MIPOL1: variants seen among roughly 807,000 people sequenced by gnomAD.
MIPOL1 encodes the protein mirror-image polydactyly gene 1 protein.
Under a neutral mutation model 60.9 loss-of-function variants are expected in MIPOL1, and 57 were observed. The ratio of observed to expected loss-of-function variants is 0.94; its 90% CI spans 0.76 to 1.17. The LOEUF (loss-of-function observed/expected upper bound fraction) is 1.17, where lower values mean the gene tolerates loss of function less well. Ranked by LOEUF, MIPOL1 falls within the 50% of genes most tolerant of loss-of-function variation. The pLI, the probability that MIPOL1 is intolerant of heterozygous loss-of-function variation, is 0.00. For synonymous variants in MIPOL1, 179 were observed against 168.8 expected (o/e 1.06, Z -0.47); for missense variants, 551 against 511.6 (o/e 1.08, Z -0.74).
chr14:37,285,955 A>T (rs1405465113), intron 7 of MIPOL1, among the ~76,000 whole-genome samples: 2 of 152,154 alleles, frequency 1.3e-5, no homozygotes, highest in African/African-American at 4.8e-5. Flanking sequence ...CAGTCAGTTT[A>T]AAAAAAGAAA....
rs971106450 is a variant in MIPOL1, at chr14:37,551,123, T to A, written c.*4152T>A. The A allele has an allele frequency of 7.2e-5, 11 of 152,116 alleles. No homozygotes were observed. Among genetic ancestry groups the A allele is most frequent in the African/African-American group, 2.7e-4 (11 of 41,418 alleles). 9.4% of individuals were successfully genotyped at this position (152,116 alleles called of 1,614,324 possible). On this transcript the variant is annotated 3_prime_UTR_variant, in exon 13 of 13. Transcript: ENST00000684589. ...AATTGTCTTCTAAATATAGTTTTGG[T>A]GTATGCTGGTATTTTAGAAGCCACC...
chr14:37,527,267 G>C (rs1243712855), intron 12 of MIPOL1, among the ~76,000 whole-genome samples: 1 of 151,666 alleles, frequency 6.6e-6, no homozygotes, highest in Non-Finnish European at 1.5e-5. Flanking sequence ...TGTCAGAATT[G>C]TGTTAAATTG....
At chr14:37,254,457 G>A (rs571977313) in intron 3 of MIPOL1, among the ~76,000 whole-genome samples, 1 of 151,684 alleles carries the variant, frequency 6.6e-6, no homozygotes, top group Non-Finnish European at 1.5e-5. Context: ...TGTTTTGGCA[G>A]TTTAAAAAAT....
At chr14:37,535,943 C>T (rs1396994847) in intron 12 of MIPOL1, among the ~76,000 whole-genome samples, 1 of 151,836 alleles carries the variant, frequency 6.6e-6, no homozygotes, top group Non-Finnish European at 1.5e-5. Context: ...CTCTGTTACC[C>T]AGGCTGGAGT....
chr14:37,516,534 G>A (rs2095370604), intron 12 of MIPOL1, among the ~76,000 whole-genome samples: 1 of 152,086 alleles, frequency 6.6e-6, no homozygotes, highest in South Asian at 2.1e-4. Context: ...TTAAAATTTA[G>A]TTCAAATGTT....
intron 6 of MIPOL1, among the ~76,000 whole-genome samples, chr14:37,282,768 A>AAG (rs1210195718): frequency 3.3e-5 from 5 of 151,282 alleles, no homozygotes; most frequent in Admixed American, 1.3e-4. Context: ...AAAAAAAAAA[A>AAG]AAGAAGGTAG....
chr14:37,421,617 T>C lies in MIPOL1; in HGVS notation c.937-1238T>C, dbSNP rs138960996. On this transcript the variant is annotated intron_variant, in intron 10 of 12. Coordinates refer to ENST00000684589, the MANE Select transcript of MIPOL1 (RefSeq NM_001388067.1). ...GGACTATGTCATGTTAAAGCACGCA[T>C]TCAAACATCTTAAATTTAACTATAA... 1.1e-4 allele frequency among the ~76,000 whole-genome samples: 17 copies of C among 152,194 alleles called. No individual in the cohort carries two copies. In the East Asian group the frequency reaches 3.3e-3, roughly 29 times the overall value.
rs190287730 is a variant in MIPOL1, at chr14:37,338,078, A to G, written c.828+29559A>G. Among the ~76,000 whole-genome samples, 340 of 150,580 alleles carry G rather than the reference A, an allele frequency of 2.3e-3. 6 individuals carry two copies. The highest frequency in any genetic ancestry group is 1.3e-3 in the Non-Finnish European group (91 of 67,702). On this transcript the variant is annotated intron_variant, in intron 9 of 12. Coordinates refer to ENST00000684589, the MANE Select transcript of MIPOL1 (RefSeq NM_001388067.1). ...GGCATCCAACTTCAGTCTTTTGCAT[A>G]TGACAGTGGCTTTATTTTTATTTAA...
At chr14:37,279,836 C>T (rs1176573216) in intron 6 of MIPOL1, among the ~76,000 whole-genome samples, 1 of 152,082 alleles carries the variant, frequency 6.6e-6, no homozygotes, top group Non-Finnish European at 1.5e-5. Context: ...TTGAAATATA[C>T]ATTACTCTTC....
intron 10 of MIPOL1, among the ~76,000 whole-genome samples, chr14:37,404,909 A>G (rs1186003485): frequency 1.3e-5 from 2 of 152,152 alleles, no homozygotes; most frequent in Non-Finnish European, 2.9e-5. Context: ...TTAACATCCA[A>G]TCTGTGAAAA....
intron 9 of MIPOL1, among the ~76,000 whole-genome samples, chr14:37,319,488 A>G (rs1546975): frequency 0.53 from 81,071 of 151,816 alleles, 24,298 homozygotes; most frequent in Non-Finnish European, 0.66. Flanking sequence ...GCTACTCTTG[A>G]GGAAGATTTC....
At chr14:37,477,382 A>G (rs769760209) in intron 11 of MIPOL1, among the ~76,000 whole-genome samples, 4 of 152,052 alleles carry the variant, frequency 2.6e-5, no homozygotes, top group Non-Finnish European at 5.9e-5. Flanking sequence ...TGATTATTTT[A>G]TTGAATCTGT....
In MIPOL1 at chr14:37,325,372, A is replaced by G. The variant is rs576456854; in HGVS notation, c.828+16853A>G. On this transcript the variant is annotated intron_variant, in intron 9 of 12. Transcript: ENST00000684589. Reference sequence around the variant, plus strand: ...GAGAAGCAAAAATATACTCTTTTTTATCTACAAATTTATTTTAAATTCACT... The same window carrying G: ...GAGAAGCAAAAATATACTCTTTTTTGTCTACAAATTTATTTTAAATTCACT... Among the ~76,000 whole-genome samples the G allele has an allele frequency of 3.9e-5, 6 of 152,242 alleles. No homozygotes were observed. The South Asian group carries it at 8.3e-4, about 21-fold the overall frequency.
Position 37,266,994 on chromosome 14 carries a change from CCAGATGAG to C in MIPOL1, c.79_86del (p.Asp27ThrfsTer6), listed in dbSNP as rs1187860275. ...TACGGGGATAAATAAAAGTACGCAG[CCAGATGAG>C]CAACTGACTATGAATTCTGAGAAAA... On this transcript the variant is annotated frameshift_variant, in exon 4 of 13. Transcript: ENST00000684589. LOFTEE classifies it high-confidence loss of function. 2.5e-6 allele frequency: 4 copies of C among 1,613,604 alleles called. No homozygotes were observed. The highest frequency in any genetic ancestry group is 3.4e-6 in the Non-Finnish European group (4 of 1,179,824).
chr14:37,483,755 C>G (rs770876306), intron 11 of MIPOL1, among the ~76,000 whole-genome samples: 6 of 152,002 alleles, frequency 3.9e-5, no homozygotes, highest in Non-Finnish European at 7.4e-5. Flanking sequence ...CCTGCCTCAG[C>G]CTCCCGAGTA....
chr14:37,474,438 C>T (rs866851917), intron 11 of MIPOL1, among the ~76,000 whole-genome samples: 4 of 152,032 alleles, frequency 2.6e-5, no homozygotes, highest in Admixed American at 6.5e-5. Context: ...ATGGTGTTCT[C>T]GTGATAGTGA....
intron 1 of MIPOL1, among the ~76,000 whole-genome samples, chr14:37,204,601 C>G (rs1010837629): frequency 2.0e-5 from 3 of 152,082 alleles, no homozygotes; most frequent in Non-Finnish European, 4.4e-5. Context: ...GTGAGATGTG[C>G]CTTTCACCTT....
intron 10 of MIPOL1, among the ~76,000 whole-genome samples, chr14:37,372,363 G>C (rs2092663209): frequency 6.6e-6 from 1 of 152,040 alleles, no homozygotes; most frequent in South Asian, 2.1e-4. Context: ...AATAACCAGA[G>C]ATCTTTTTCT....
At chr14:37,243,057 A>G (rs1234901209) in intron 1 of MIPOL1, among the ~76,000 whole-genome samples, 1 of 152,218 alleles carries the variant, frequency 6.6e-6, no homozygotes, top group Admixed American at 6.5e-5. Flanking sequence ...GAGCATAAGT[A>G]TTTGTTCTTA....
Sources: gnomAD v4.1 joint callset for allele counts (sites outside exome capture counted in the v4.1 genomes callset) on GRCh38, gnomAD v4.1.1 for gene constraint, MANE v1.5 for transcripts, NCBI Gene and HGNC (gene_info 2026-07-23, HGNC 2026-07-21) for gene names.